The following AQR variants were observed in gnomAD, a reference collection of about 807,000 sequenced individuals.
AQR encodes aquarius intron-binding spliceosomal factor, also known as RNA helicase aquarius.
Under a neutral mutation model 180.5 loss-of-function variants are expected in AQR, and 61 were observed. The ratio of observed to expected loss-of-function variants is 0.34; its 90% CI spans 0.28 to 0.42. AQR has a LOEUF of 0.42. AQR is among the 10% of genes least tolerant of loss of function. The pLI is 1.00. For synonymous variants in AQR, 551 were observed against 588.8 expected, an observed-to-expected ratio of 0.94 and a Z score of 0.93; for missense variants, 1,281 against 1,798.3, an observed-to-expected ratio of 0.71 and a Z score of 5.20.
At chr15:34,918,152 C>T (rs1429627795) in intron 15 of AQR, 106 bp downstream of exon 15, 2 of 1,193,882 alleles carry the variant, frequency 1.7e-6, no homozygotes, top group African/African-American at 3.1e-5. Context: ...GGAAATTATC[C>T]TAATGTACAG....
chr15:34,930,905 C>T (rs1413993617), intron 11 of AQR, among the ~76,000 whole-genome samples: 5 of 145,106 alleles, frequency 3.4e-5, no homozygotes, highest in African/African-American at 1.1e-4. Flanking sequence ...GGTGCGATCT[C>T]GGCTCACTGC....
intron 25 of AQR, 102 bp downstream of exon 25, chr15:34,886,424 C>CA: frequency 2.4e-6 from 3 of 1,268,614 alleles, no homozygotes; most frequent in Non-Finnish European, 2.1e-6. Context: ...CTAATCTACT[C>CA]AAAAAAATAA....
intron 20 of AQR, among the ~76,000 whole-genome samples, chr15:34,900,377 A>G (rs1036601065): frequency 3.9e-5 from 6 of 152,244 alleles, no homozygotes; most frequent in East Asian, 1.9e-4. Context: ...TCTTCAGACA[A>G]TAAGTATTTA....
At chr15:34,944,964 TC>T (rs1160305015) in intron 5 of AQR, among the ~76,000 whole-genome samples, 1 of 152,242 alleles carries the variant, frequency 6.6e-6, no homozygotes, top group Non-Finnish European at 1.5e-5. Flanking sequence ...CTAGTTGTTT[TC>T]ATTCACTTCT....
intron 19 of AQR, among the ~76,000 whole-genome samples, chr15:34,903,023 G>C (rs1418748830): frequency 6.6e-6 from 1 of 152,092 alleles, no homozygotes; most frequent in African/African-American, 2.4e-5. Context: ...GATGAGAAGG[G>C]AAGATGCTAC....
intron 17 of AQR, among the ~76,000 whole-genome samples, chr15:34,907,664 CTTAA>C (rs1893438598): frequency 6.6e-6 from 1 of 152,198 alleles, no homozygotes; most frequent in African/African-American, 2.4e-5. Context: ...ATAATACTGA[CTTAA>C]TTATTTCCCA....
At chr15:34,887,120 G>A (rs144766678) in intron 24 of AQR, among the ~76,000 whole-genome samples, 4,475 of 149,436 alleles carry the variant, frequency 0.03, 219 homozygotes, top group African/African-American at 0.1. Context: ...GCAAGACTCC[G>A]TCTCAAAAAA....
chr15:34,964,372 G>A (rs754850752), intron 1 of AQR, 82 bp from the exon 2 acceptor site: 14 of 1,187,558 alleles, frequency 1.2e-5, no homozygotes, highest in African/African-American at 6.0e-5. Context: ...GTGATAAGCG[G>A]TTTCTTAACA....
In AQR at chr15:34,855,572, G is replaced by A. The variant is rs930883350; in HGVS notation, c.*1220C>T. The A allele has an allele frequency of 5.3e-5, 8 of 150,228 alleles. No homozygotes were observed. The highest frequency in any genetic ancestry group is 1.5e-4 in the African/African-American group (6 of 40,664). The allele number at this position is 150,228 out of a possible 1,614,324, so 9.3% of individuals were successfully genotyped here. ...TTCCAGTTCTGGGCACCATGCCCAG[G>A]GACCTTGTAAGCAGAGGTCCCTTGT... On this transcript the variant is annotated 3_prime_UTR_variant, in exon 35 of 35. Coordinates refer to ENST00000156471, the MANE Select transcript of AQR (RefSeq NM_014691.3).
chr15:34,945,837 G>C lies in AQR; in HGVS notation c.331-1409C>G, dbSNP rs553582227. Among the ~76,000 whole-genome samples, 14 of 152,238 alleles carry C rather than the reference G, an allele frequency of 9.2e-5. No individual in the cohort carries two copies. The East Asian group carries it at 2.3e-3, about 25-fold the overall frequency. Reference sequence around the variant, plus strand: ...TCTGACTGGAAGAGAAGAAACTCTTGATGAAGTGACCATTATATGGCGGGC... The same window carrying C: ...TCTGACTGGAAGAGAAGAAACTCTTCATGAAGTGACCATTATATGGCGGGC... On this transcript the variant is annotated intron_variant, in intron 5 of 34. Coordinates refer to ENST00000156471, the MANE Select transcript of AQR (RefSeq NM_014691.3).
chr15:34,927,174 G>A (rs1365389965), intron 12 of AQR, 36 bp from the exon 13 acceptor site: 11 of 1,225,780 alleles, frequency 9.0e-6, no homozygotes, highest in Non-Finnish European at 1.3e-5. Context: ...AATAATTAAT[G>A]TCTACATATT....
intron 22 of AQR, among the ~76,000 whole-genome samples, chr15:34,894,703 C>T (rs1289187279): frequency 6.6e-6 from 1 of 151,844 alleles, no homozygotes; most frequent in African/African-American, 2.4e-5. Context: ...CATAAAACAA[C>T]TACAATACAA....
chr15:34,938,447 C>A (rs1893975692), intron 9 of AQR, among the ~76,000 whole-genome samples: 1 of 152,050 alleles, frequency 6.6e-6, no homozygotes, highest in African/African-American at 2.4e-5. Context: ...GCAGGAGAAT[C>A]ACTGGAACCC....
At chr15:34,951,364 T>C (rs1191910828) in intron 4 of AQR, among the ~76,000 whole-genome samples, 3 of 152,172 alleles carry the variant, frequency 2.0e-5, no homozygotes, top group African/African-American at 7.2e-5. Flanking sequence ...CAACTGACTT[T>C]TTCAGCTATT....
intron 4 of AQR, among the ~76,000 whole-genome samples, chr15:34,950,804 T>C (rs1894218128): frequency 6.6e-6 from 1 of 152,236 alleles, no homozygotes. Context: ...GTTTTATTTA[T>C]AGAGTTTTCT....
chr15:34,960,369 T>C lies in AQR; in HGVS notation c.173+405A>G, dbSNP rs150111381. On this transcript the variant is annotated intron_variant, in intron 3 of 34. Coordinates refer to ENST00000156471, the MANE Select transcript of AQR (RefSeq NM_014691.3). ...CTTACAGCATATTGCTCAAAAATAA[T>C]TTTTATCACTTCTGTGTTTATTATT... is the stretch of plus-strand genomic sequence containing the variant. Among the ~76,000 whole-genome samples, 335 of 152,320 alleles carry C rather than the reference T, an allele frequency of 2.2e-3. 2 individuals are homozygous for C. Among genetic ancestry groups the C allele is most frequent in the Non-Finnish European group, 3.3e-3 (225 of 68,034 alleles).
intron 10 of AQR, among the ~76,000 whole-genome samples, 181 bp from the exon 11 acceptor site, chr15:34,932,615 TGTTTTTG>T (rs1400810372): frequency 6.6e-6 from 1 of 152,206 alleles, no homozygotes; most frequent in Non-Finnish European, 1.5e-5. Flanking sequence ...CCAGTGGCAA[TGTTTTTG>T]GTTTTAAAAA....
At chr15:34,938,618 C>G in intron 9 of AQR, 119 bp downstream of exon 9, 1 of 667,828 alleles carries the variant, frequency 1.5e-6, no homozygotes, top group Non-Finnish European at 2.7e-6. Context: ...AGAGGACATA[C>G]ACTTTGCCAA....
chr15:34,933,206 G>T lies in AQR; in HGVS notation c.784-772C>A, dbSNP rs192012022. Among the ~76,000 whole-genome samples the T allele has an allele frequency of 2.7e-3, 405 of 152,210 alleles. 1 individual carries two copies. Among genetic ancestry groups the T allele is most frequent in the African/African-American group, 9.2e-3 (383 of 41,470 alleles). ...AATCAAATATCCTCATTTTATAGAT[G>T]AAGTTATTGAGATCCTCAGAAGTTA... On this transcript the variant is annotated intron_variant, in intron 10 of 34. Coordinates refer to ENST00000156471, the MANE Select transcript of AQR (RefSeq NM_014691.3).
Sources: allele counts gnomAD v4.1 joint callset (sites outside exome capture counted in the v4.1 genomes callset), GRCh38; gene constraint gnomAD v4.1.1; transcripts MANE v1.5; gene names NCBI Gene and HGNC (gene_info 2026-07-23, HGNC 2026-07-21).